GOLGA6L9: variants seen among roughly 807,000 people sequenced by gnomAD.
GOLGA6L9 encodes the protein golgin subfamily A member 6-like protein 9.
In GOLGA6L9, 19 loss-of-function variants were observed where a neutral mutation model predicts 51.3. The observed-to-expected ratio is 0.37, with a 90% CI of 0.26 to 0.54. The LOEUF (loss-of-function observed/expected upper bound fraction) is 0.54, where lower values mean the gene tolerates loss of function less well. GOLGA6L9 is among the 20% of genes least tolerant of loss of function. The probability of loss-of-function intolerance (pLI) is 0.83; values close to 1 mark genes in which losing one functional copy is unlikely to be tolerated. For synonymous variants in GOLGA6L9, 97 were observed against 184.2 expected (o/e 0.53, Z 3.83); for missense variants, 247 against 464.1 (o/e 0.53, Z 4.30).
chr15:82,420,777 A>G, the GOLGA6L9 span, among the ~76,000 whole-genome samples: 1 of 152,172 alleles, frequency 6.6e-6, no homozygotes, highest in African/African-American at 2.4e-5. Context: ...CCGTAATTCC[A>G]GGACATTACT....
upstream of GOLGA6L9, among the ~76,000 whole-genome samples, chr15:82,425,872 G>A (rs1174088921): frequency 0.012 from 1,832 of 149,612 alleles, 123 homozygotes; most frequent in African/African-American, 0.043. Context: ...AAGAATATAC[G>A]TGTGTATTTG....
At position 82,437,089 on chromosome 15, in the gene GOLGA6L9, T is replaced by C. The variant is rs1378620040; in HGVS notation, c.*678T>C. On this transcript the variant is annotated 3_prime_UTR_variant, in exon 9 of 9. Transcript: ENST00000618348. Reference sequence around the variant, plus strand: ...GGAAAGTGGCCTGCTTTGGCAGGTGTGTGCAGGATAGAATATGTTTCATTT... The same window carrying C: ...GGAAAGTGGCCTGCTTTGGCAGGTGCGTGCAGGATAGAATATGTTTCATTT... 2.0e-5 allele frequency: 3 copies of C among 148,478 alleles called. No individual in the cohort carries two copies. Among genetic ancestry groups the C allele is most frequent in the Non-Finnish European group, 4.4e-5 (3 of 67,444 alleles). The allele number at this position is 148,478 out of a possible 1,614,324, so 9.2% of individuals were successfully genotyped here. A position where few individuals can be genotyped will look rare whatever the true frequency, so the allele number is the denominator to read the frequency against.
chr15:82,416,171 A>T, the GOLGA6L9 span, among the ~76,000 whole-genome samples: 1 of 152,292 alleles, frequency 6.6e-6, no homozygotes, highest in African/African-American at 2.4e-5. Flanking sequence ...GAGTAAGCGC[A>T]ATCAGGTATC....
chr15:82,429,198 C>G (rs2031306844), upstream of GOLGA6L9, among the ~76,000 whole-genome samples: 1 of 151,588 alleles, frequency 6.6e-6, no homozygotes, highest in African/African-American at 2.4e-5. Context: ...CCTCAGCCTC[C>G]CAAATAGCTG....
intron 4 of GOLGA6L9, among the ~76,000 whole-genome samples, chr15:82,433,201 G>A (rs1374971293): frequency 6.6e-6 from 1 of 151,150 alleles, no homozygotes; most frequent in Non-Finnish European, 1.5e-5. Flanking sequence ...CCATATTCCT[G>A]CCCTGCCTCA....
At chr15:82,424,554 A>AAAATTT in the GOLGA6L9 span, among the ~76,000 whole-genome samples, 5 of 152,244 alleles carry the variant, frequency 3.3e-5, no homozygotes, top group African/African-American at 7.2e-5. Context: ...AATTAAAATT[A>AAAATTT]AAAATCACCT....
chr15:82,419,655 A>G, the GOLGA6L9 span, among the ~76,000 whole-genome samples: 1 of 152,096 alleles, frequency 6.6e-6, no homozygotes, highest in African/African-American at 2.4e-5. Flanking sequence ...ATCTCAAAAA[A>G]ACAAAACAAA....
At chr15:82,417,902 T>C in the GOLGA6L9 span, among the ~76,000 whole-genome samples, 1 of 152,144 alleles carries the variant, frequency 6.6e-6, no homozygotes, top group African/African-American at 2.4e-5. Flanking sequence ...ATTTAAGGAG[T>C]GAGAGAGAGA....
chr15:82,438,540 G>A lies in GOLGA6L9; in HGVS notation c.*2129G>A, dbSNP rs1462874276. ...TCTCTACCTCATTCAGTATAAGGCA[G>A]CCTTTAATTTGCTTAGAAGGCAACA... On this transcript the variant is annotated 3_prime_UTR_variant, in exon 9 of 9. Coordinates refer to ENST00000618348, the MANE Select transcript of GOLGA6L9 (RefSeq NM_198181.4). 1.3e-5 allele frequency: 2 copies of A among 148,924 alleles called. No individual in the cohort carries two copies. The highest frequency in any genetic ancestry group is 3.0e-5 in the Non-Finnish European group (2 of 66,986). The allele number at this position is 148,924 out of a possible 1,614,324, so 9.2% of individuals were successfully genotyped here.
chr15:82,434,270 G>C lies in GOLGA6L9; in HGVS notation c.670G>C (p.Glu224Gln), dbSNP rs2031559523. The part of the protein sequence containing the change: ...RLCEQEERLC[E>Q]QEERLREQEE... ...GTGTGAACAGGAGGAGAGGCTGTGT[G>C]AACAGGAGGAGAGGCTACGTGAACA... The change falls in exon 6 of 9, where the codon GAA (glutamate) becomes CAA (glutamine). Residue 224 changes from glutamate to glutamine, a missense_variant. Coordinates refer to ENST00000618348, the MANE Select transcript of GOLGA6L9 (RefSeq NM_198181.4). 3 of 1,554,050 alleles carry C rather than the reference G, an allele frequency of 1.9e-6. No individual in the cohort carries two copies. The Admixed American group carries it at 5.7e-5, about 29-fold the overall frequency.
At chr15:82,425,875 T>C (rs1394388424), upstream of GOLGA6L9, among the ~76,000 whole-genome samples, 14 of 149,942 alleles carry the variant, frequency 9.3e-5, no homozygotes, top group African/African-American at 3.5e-4. Context: ...AATATACGTG[T>C]GTATTTGCAA....
At position 82,429,884 on chromosome 15, in the gene GOLGA6L9, T is replaced by A. The variant is rs2031347286; in HGVS notation, c.-196T>A. On this transcript the variant is annotated 5_prime_UTR_variant, in exon 1 of 9. Coordinates refer to ENST00000618348, the MANE Select transcript of GOLGA6L9 (RefSeq NM_198181.4). The stretch of plus-strand genomic sequence containing the variant: ...GCAGCTTTCCTTATGATGCTACAGG[T>A]CCCTCTGGACATGCTGCGCCTGGCC... 31 of 752,590 alleles carry A rather than the reference T, an allele frequency of 4.1e-5. No individual in the cohort carries two copies. In the South Asian group the frequency reaches 4.6e-4, roughly 11 times the overall value. The allele number at this position is 752,590 out of a possible 1,614,324, so 46.6% of individuals were successfully genotyped here.
Position 82,432,880 on chromosome 15 carries a change from G to A in GOLGA6L9, c.328G>A (p.Glu110Lys). ...SSSAIISQLT[E>K]NINSLVRTSK... Reference sequence around the variant, plus strand: ...CTCCGCAATAATCAGTCAACTCACTGAAAACATCAATTCACTGGTAAGAGT... The same window carrying A: ...CTCCGCAATAATCAGTCAACTCACTAAAAACATCAATTCACTGGTAAGAGT... The change falls in exon 4 of 9, where the codon GAA (glutamate) becomes AAA (lysine). Residue 110 changes from glutamate to lysine, a missense_variant. By Grantham distance (56) the Glu-to-Lys change is moderately conservative. This residue lies in a region of GOLGA6L9 where 74 missense variants were observed against 91.2 expected (regional missense o/e 0.81). Transcript: ENST00000618348. 6.2e-7 allele frequency: 1 copy of A among 1,612,230 alleles called. No individual in the cohort carries two copies. The highest frequency in any genetic ancestry group is 1.7e-5 in the Admixed American group (1 of 59,976).
rs2031359795 is a variant in GOLGA6L9, at chr15:82,430,085, G to A, written c.6G>A (p.Trp2Ter). M[W>*]PQPRLPPHPA... is the part of the protein sequence containing the mutation. ...TGCTCACTGGTATTTCGCTGATGTG[G>A]CCCCAACCCCGCCTCCCTCCCCACC... Residue 2 changes from tryptophan to a stop codon, truncating the protein, a stop_gained, in exon 1 of 9, where the codon TGG becomes TGA. Transcript: ENST00000618348. LOFTEE classifies it high-confidence loss of function. 4.2e-6 allele frequency: 3 copies of A among 706,008 alleles called. No individual in the cohort carries two copies. The highest frequency in any genetic ancestry group is 7.6e-6 in the Non-Finnish European group (3 of 393,950). The allele number at this position is 706,008 out of a possible 1,614,324, so 43.7% of individuals were successfully genotyped here.
upstream of GOLGA6L9, among the ~76,000 whole-genome samples, chr15:82,427,519 T>G (rs1811994117): frequency 6.6e-6 from 1 of 150,880 alleles, no homozygotes; most frequent in African/African-American, 2.4e-5. Flanking sequence ...GTGATTTTAG[T>G]GTAAACAGGA....
At chr15:82,429,487 T>A (rs2150825028), upstream of GOLGA6L9, among the ~76,000 whole-genome samples, 1 of 152,228 alleles carries the variant, frequency 6.6e-6, no homozygotes, top group East Asian at 1.9e-4. Context: ...GAAATTGTTG[T>A]GATTATTCTC....
upstream of GOLGA6L9, among the ~76,000 whole-genome samples, chr15:82,425,549 CCTT>C (rs1246349138): frequency 1.6e-5 from 1 of 64,062 alleles, no homozygotes; most frequent in Non-Finnish European, 2.9e-5. Flanking sequence ...AGCCTTGTGA[CCTT>C]GTGGTGATTC....
At position 82,434,365 on chromosome 15, in the gene GOLGA6L9, G is replaced by C. The variant is rs1464538666; in HGVS notation, c.765G>C (p.Leu255=). 6.6e-7 allele frequency: 1 copy of C among 1,522,078 alleles called. No individual in the cohort carries two copies. The highest frequency in any genetic ancestry group is 1.4e-5 in the African/African-American group (1 of 72,646). 94.3% of individuals were successfully genotyped at this position (1,522,078 alleles called of 1,614,324 possible). The change falls in exon 6 of 9, where the codon CTG becomes CTC. Residue 255 remains leucine, a synonymous_variant. Transcript: ENST00000618348. ...QERLLEEVEK[L]LEQERRQEEQ... ...GGCTGCTGGAAGAGGTGGAGAAGCT[G>C]TTAGAACAGGAGAGGCGGCAGGAGG...
chr15:82,424,641 T>C, the GOLGA6L9 span, among the ~76,000 whole-genome samples: 10 of 151,636 alleles, frequency 6.6e-5, no homozygotes, highest in African/African-American at 2.4e-4. Context: ...CACTCAGTAA[T>C]CGATGGAAGT....
Sources: gnomAD v4.1 joint callset for allele counts (sites outside exome capture counted in the v4.1 genomes callset) on GRCh38, gnomAD v4.1.1 for gene constraint, gnomAD v4.1.1 regional missense constraint, MANE v1.5 for transcripts, NCBI Gene and HGNC (gene_info 2026-07-23, HGNC 2026-07-21) for gene names.